ROBO2: variants seen among roughly 807,000 people sequenced by gnomAD.
The protein encoded by ROBO2 is roundabout guidance receptor 2, also known as roundabout homolog 2.
Under a neutral mutation model 160.8 loss-of-function variants are expected in ROBO2, and 53 were observed. The ratio of observed to expected loss-of-function variants is 0.33; its 90% CI spans 0.26 to 0.41. The LOEUF is 0.41. Among genes scored for constraint, ROBO2 ranks in the 10% least tolerant of loss-of-function variants. ROBO2 has a pLI of 1.00. For missense variants in ROBO2, 1,577 were observed against 1,722.4 expected (o/e 0.92, Z 1.49); for synonymous variants, 664 against 611.7 (o/e 1.09, Z -1.26).
At chr3:77,084,519 T>G (rs913030128) in intron 1 of ROBO2, among the ~76,000 whole-genome samples, 7 of 152,158 alleles carry the variant, frequency 4.6e-5, no homozygotes, top group Non-Finnish European at 7.4e-5. Flanking sequence ...TTCTTTCCTT[T>G]TAGCATAATC....
chr3:76,370,374 G>A (rs2076044249), intron 2 of ROBO2, among the ~76,000 whole-genome samples: 1 of 152,002 alleles, frequency 6.6e-6, no homozygotes, highest in Non-Finnish European at 1.5e-5. Flanking sequence ...CACATGACTC[G>A]AAAGAATTTG....
At chr3:76,381,499 G>A (rs569562251) in intron 2 of ROBO2, among the ~76,000 whole-genome samples, 72 of 151,988 alleles carry the variant, frequency 4.7e-4, no homozygotes, top group African/African-American at 1.7e-3. Context: ...ACAGACACGT[G>A]CCACCGCGCC....
chr3:76,303,364 T>G (rs567902217), intron 2 of ROBO2, among the ~76,000 whole-genome samples: 8 of 152,090 alleles, frequency 5.3e-5, no homozygotes, highest in Non-Finnish European at 1.0e-4. Context: ...TGTGTGTATA[T>G]ATATAAAAAT....
At chr3:76,043,333 T>G (rs893602258) in intron 2 of ROBO2, among the ~76,000 whole-genome samples, 6 of 151,752 alleles carry the variant, frequency 4.0e-5, no homozygotes, top group Non-Finnish European at 7.4e-5. Context: ...AGCCTAAAGC[T>G]TTTATTGGGC....
chr3:77,287,399 G>A (rs2060682881), intron 2 of ROBO2, among the ~76,000 whole-genome samples: 1 of 151,276 alleles, frequency 6.6e-6, no homozygotes, highest in African/African-American at 2.4e-5. Flanking sequence ...CCTATTCTTT[G>A]TACTCAAAAT....
In ROBO2 at chr3:76,286,035, A is replaced by G. The variant is rs999162828; in HGVS notation, c.109+348433A>G. 2.0e-5 allele frequency among the ~76,000 whole-genome samples: 3 copies of G among 152,298 alleles called. No individual in the cohort carries two copies. In the East Asian group the frequency reaches 5.8e-4, roughly 29 times the overall value. Reference sequence around the variant, plus strand: ...GTAGGCACTGCAGGTACAAAAATGGATAATATGTAAACACTTCTCCTAAGT... The same window carrying G: ...GTAGGCACTGCAGGTACAAAAATGGGTAATATGTAAACACTTCTCCTAAGT... On this transcript the variant is annotated intron_variant, in intron 2 of 26. Coordinates refer to the ROBO2 transcript ENST00000487694.
At chr3:76,311,699 A>C (rs2071598978) in intron 2 of ROBO2, among the ~76,000 whole-genome samples, 2 of 152,228 alleles carry the variant, frequency 1.3e-5, no homozygotes, top group South Asian at 4.1e-4. Context: ...TAGTGCAAGA[A>C]TATATGTGTT....
chr3:76,340,079 C>A (rs1576533860), intron 2 of ROBO2, among the ~76,000 whole-genome samples: 11 of 59,126 alleles, frequency 1.9e-4, no homozygotes, highest in Non-Finnish European at 1.4e-4. Context: ...AAAAATGAAC[C>A]AATTGCAAAA....
At chr3:76,246,221 G>C (rs545938741) in intron 2 of ROBO2, among the ~76,000 whole-genome samples, 4 of 151,784 alleles carry the variant, frequency 2.6e-5, no homozygotes, top group Non-Finnish European at 5.9e-5. Flanking sequence ...GTAACTCTTT[G>C]AACAGCTCTG....
At chr3:77,594,703 A>T (rs2094257652) in intron 17 of ROBO2, among the ~76,000 whole-genome samples, 1 of 152,136 alleles carries the variant, frequency 6.6e-6, no homozygotes, top group Non-Finnish European at 1.5e-5. Context: ...TTTCATTAGA[A>T]CGACGTAACA....
At chr3:77,185,203 G>A (rs1357010003) in intron 2 of ROBO2, among the ~76,000 whole-genome samples, 1 of 151,982 alleles carries the variant, frequency 6.6e-6, no homozygotes, top group Non-Finnish European at 1.5e-5. Context: ...ACTTCATTTG[G>A]TGATCTGCTG....
chr3:76,377,720 A>G (rs1379780502), intron 2 of ROBO2, among the ~76,000 whole-genome samples: 3 of 152,188 alleles, frequency 2.0e-5, no homozygotes, highest in Non-Finnish European at 4.4e-5. Flanking sequence ...GTCTTATACT[A>G]AAAATACCTA....
intron 4 of ROBO2, 36 bp downstream of exon 4, chr3:77,481,255 T>C (rs756467291): frequency 5.4e-6 from 8 of 1,474,554 alleles, no homozygotes; most frequent in Non-Finnish European, 7.2e-6. Flanking sequence ...TTTTTATTTT[T>C]ATCAATTTTT....
At chr3:77,263,962 T>G (rs1580474486) in intron 2 of ROBO2, among the ~76,000 whole-genome samples, 1 of 130,742 alleles carries the variant, frequency 7.6e-6, no homozygotes, top group African/African-American at 4.3e-5. Context: ...TTTAATGAAT[T>G]AATTATTTAG....
chr3:76,869,348 T>C (rs1057196005), intron 2 of ROBO2, among the ~76,000 whole-genome samples: 1 of 132,668 alleles, frequency 7.5e-6, no homozygotes, highest in East Asian at 2.1e-4. Context: ...TGATGTTTTT[T>C]TTTTTTTTTT....
intron 2 of ROBO2, among the ~76,000 whole-genome samples, chr3:76,972,476 C>A (rs1408150538): frequency 1.3e-4 from 20 of 151,920 alleles, no homozygotes; most frequent in Non-Finnish European, 2.9e-4. Context: ...AGAAGCATGG[C>A]TGGTGCTCTT....
At chr3:77,206,417 T>A (rs1413866286) in intron 2 of ROBO2, among the ~76,000 whole-genome samples, 2 of 152,052 alleles carry the variant, frequency 1.3e-5, no homozygotes, top group African/African-American at 4.8e-5. Flanking sequence ...ATCCGCCTGC[T>A]GTGGCCTCCT....
intron 2 of ROBO2, among the ~76,000 whole-genome samples, chr3:76,974,273 G>A (rs559791153): frequency 6.6e-6 from 1 of 152,122 alleles, no homozygotes; most frequent in African/African-American, 2.4e-5. Context: ...ATATTCTGAA[G>A]CTATTTTGTT....
intron 2 of ROBO2, among the ~76,000 whole-genome samples, chr3:76,226,241 G>T (rs1704276116): frequency 6.6e-6 from 1 of 152,078 alleles, no homozygotes; most frequent in Non-Finnish European, 1.5e-5. Context: ...TAACATTAAG[G>T]ATAGATATGA....
Sources: allele counts gnomAD v4.1 joint callset (sites outside exome capture counted in the v4.1 genomes callset), GRCh38; gene constraint gnomAD v4.1.1; transcripts MANE v1.5; gene names NCBI Gene and HGNC (gene_info 2026-07-23, HGNC 2026-07-21).